Variants in KLF12 observed in about 807,000 individuals in gnomAD.
The protein encoded by KLF12 is KLF transcription factor 12, also known as Krueppel-like factor 12.
Under a neutral mutation model 37.8 loss-of-function variants are expected in KLF12, and 9 were observed. The ratio of observed to expected loss-of-function variants is 0.24; its 90% confidence interval spans 0.14 to 0.42. The LOEUF (loss-of-function observed/expected upper bound fraction) is 0.42, where lower values mean the gene tolerates loss of function less well. Ranked by LOEUF, KLF12 falls within the 10% of genes least tolerant of loss-of-function variation. KLF12 has a pLI of 1.00. For synonymous variants in KLF12, 208 were observed against 202.1 expected (o/e 1.03, Z -0.25); for missense variants, 411 against 516.0 (o/e 0.80, Z 1.97).
chr13:74,021,598 T>C (rs1387228224), intron 1 of KLF12, among the ~76,000 whole-genome samples: 1 of 152,076 alleles, frequency 6.6e-6, no homozygotes. Flanking sequence ...TACAACCCCA[T>C]GACTACACTT....
intron 7 of KLF12, among the ~76,000 whole-genome samples, chr13:73,703,116 T>G (rs559241924): frequency 6.4e-4 from 98 of 152,250 alleles, no homozygotes; most frequent in Non-Finnish European, 1.2e-3. Context: ...TTTGAAAGTT[T>G]CCCAGTTTCC....
chr13:74,165,919 C>T, the KLF12 span, among the ~76,000 whole-genome samples: 1 of 152,092 alleles, frequency 6.6e-6, no homozygotes, highest in African/African-American at 2.4e-5. Flanking sequence ...AATCTAGTTT[C>T]TGTTTGCAGG....
At chr13:74,016,499 G>A (rs1440632681) in intron 1 of KLF12, among the ~76,000 whole-genome samples, 1 of 152,072 alleles carries the variant, frequency 6.6e-6, no homozygotes, top group Non-Finnish European at 1.5e-5. Context: ...GTAGCTAGGA[G>A]TACAGGCATG....
chr13:74,206,851 G>A, the KLF12 span, among the ~76,000 whole-genome samples: 1 of 152,166 alleles, frequency 6.6e-6, no homozygotes, highest in African/African-American at 2.4e-5. Context: ...GTCTTCAAGA[G>A]TTTCTAAACA....
the KLF12 span, among the ~76,000 whole-genome samples, chr13:74,181,162 C>T: frequency 6.6e-6 from 1 of 151,564 alleles, no homozygotes; most frequent in Non-Finnish European, 1.5e-5. Context: ...CCATGCCTGG[C>T]TAATTTTTTG....
At chr13:74,018,890 TATC>T (rs1465645553) in intron 1 of KLF12, among the ~76,000 whole-genome samples, 1 of 152,202 alleles carries the variant, frequency 6.6e-6, no homozygotes, top group Non-Finnish European at 1.5e-5. Context: ...ATCCTAGCCT[TATC>T]ATAGATGATT....
chr13:73,810,700 A>C (rs901679764), intron 5 of KLF12, among the ~76,000 whole-genome samples: 13 of 152,160 alleles, frequency 8.5e-5, no homozygotes, highest in Admixed American at 1.3e-4. Flanking sequence ...CAGGAAAACA[A>C]TGTGATTAAA....
intron 5 of KLF12, among the ~76,000 whole-genome samples, chr13:73,799,790 G>A (rs1226263962): frequency 6.6e-6 from 1 of 151,992 alleles, no homozygotes; most frequent in African/African-American, 2.4e-5. Flanking sequence ...TTTTATATTT[G>A]CCTCAGAAAA....
At chr13:74,250,258 G>C in the KLF12 span, among the ~76,000 whole-genome samples, 1 of 152,346 alleles carries the variant, frequency 6.6e-6, no homozygotes, top group Middle Eastern at 3.4e-3. Context: ...AGAGCTATGT[G>C]CTTGAAGAAA....
intron 2 of KLF12, among the ~76,000 whole-genome samples, chr13:73,979,556 GAAAT>G (rs1891636764): frequency 6.6e-6 from 1 of 151,692 alleles, no homozygotes; most frequent in Non-Finnish European, 1.5e-5. Flanking sequence ...AGATACAATG[GAAAT>G]AAACAAAAGG....
chr13:74,132,306 G>A (rs1277930280), intron 1 of KLF12, among the ~76,000 whole-genome samples: 1 of 152,118 alleles, frequency 6.6e-6, no homozygotes, highest in Non-Finnish European at 1.5e-5. Context: ...CGTCCAGTAA[G>A]AAAAGGGCAT....
At chr13:74,071,536 CA>C (rs1874241269) in intron 1 of KLF12, among the ~76,000 whole-genome samples, 7 of 149,216 alleles carry the variant, frequency 4.7e-5, no homozygotes, top group African/African-American at 9.9e-5. Flanking sequence ...AAAAAAAATA[CA>C]AAAAAATTAG....
intron 2 of KLF12, among the ~76,000 whole-genome samples, chr13:73,980,800 A>G (rs1170786169): frequency 6.6e-6 from 1 of 152,200 alleles, no homozygotes; most frequent in Non-Finnish European, 1.5e-5. Flanking sequence ...AAAATCTTCA[A>G]ATGTCAGCAG....
At chr13:74,000,721 C>T (rs1018295022) in intron 1 of KLF12, among the ~76,000 whole-genome samples, 1 of 152,296 alleles carries the variant, frequency 6.6e-6, no homozygotes, top group African/African-American at 2.4e-5. Context: ...AGCAAAAGCA[C>T]ACTGACATGG....
chr13:73,821,170 C>A (rs567622667), intron 4 of KLF12, among the ~76,000 whole-genome samples: 2 of 152,300 alleles, frequency 1.3e-5, no homozygotes, highest in African/African-American at 2.4e-5. Flanking sequence ...TTTCTGTATA[C>A]CCCTAAGTGT....
chr13:73,876,411 A>G (rs1375549337), intron 3 of KLF12, among the ~76,000 whole-genome samples: 1 of 152,232 alleles, frequency 6.6e-6, no homozygotes, highest in Non-Finnish European at 1.5e-5. Context: ...GACTCCTGTG[A>G]TAAGATCAGG....
At chr13:74,288,806 G>A in the KLF12 span, among the ~76,000 whole-genome samples, 2 of 152,286 alleles carry the variant, frequency 1.3e-5, no homozygotes, top group Admixed American at 1.3e-4. Context: ...CGGCAGGGCC[G>A]GTCATGCAGC....
At chr13:74,084,009 T>C (rs1875099736) in intron 1 of KLF12, among the ~76,000 whole-genome samples, 1 of 152,152 alleles carries the variant, frequency 6.6e-6, no homozygotes, top group Non-Finnish European at 1.5e-5. Flanking sequence ...AAGCAAGATT[T>C]CTTATAGCAT....
chr13:73,809,311 G>T (rs1181805106), intron 5 of KLF12, among the ~76,000 whole-genome samples: 6 of 151,416 alleles, frequency 4.0e-5, no homozygotes, highest in African/African-American at 1.2e-4. Context: ...AATGTTTGGG[G>T]TTTTTTTTGT....
Sources: gnomAD v4.1 joint callset for allele counts (sites outside exome capture counted in the v4.1 genomes callset) on GRCh38, gnomAD v4.1.1 for gene constraint, MANE v1.5 for transcripts, NCBI Gene and HGNC (gene_info 2026-07-23, HGNC 2026-07-21) for gene names.